Variants in RPS6KA2 observed in about 807,000 individuals in gnomAD.
RPS6KA2 encodes the protein ribosomal protein S6 kinase A2.
In RPS6KA2, 42 loss-of-function variants were observed where a neutral mutation model predicts 91.8. The ratio of observed to expected loss-of-function variants is 0.46; its 90% CI spans 0.36 to 0.59. The LOEUF (loss-of-function observed/expected upper bound fraction) is 0.59. Among genes scored for constraint, RPS6KA2 ranks in the 20% least tolerant of loss-of-function variants. RPS6KA2 has a pLI of 0.00. For missense variants in RPS6KA2, 798 were observed against 978.5 expected (o/e 0.82, Z 2.46); for synonymous variants, 414 against 393.6 (o/e 1.05, Z -0.61).
intron 2 of RPS6KA2, among the ~76,000 whole-genome samples, chr6:166,794,681 A>C (rs1441011268): frequency 3.3e-5 from 5 of 151,582 alleles, no homozygotes; most frequent in Non-Finnish European, 4.4e-5. Flanking sequence ...AGCCATAAAA[A>C]ATGATGAGTT....
At chr6:166,622,464 A>G (rs1786678653) in intron 1 of RPS6KA2, among the ~76,000 whole-genome samples, 1 of 152,326 alleles carries the variant, frequency 6.6e-6, no homozygotes, top group South Asian at 2.1e-4. Flanking sequence ...TAAGATAAAC[A>G]TAATTTCTTT....
rs1407812789 is a variant in RPS6KA2 at position 166,448,237 on chromosome 6, C to T, written c.1332+487G>A. ...TATTTATTTCTTTGAGTATTTTCTTCCTCCCTTTTTTCTTTCCTTCCTTTC... is the reference window on the plus strand; with the variant it reads ...TATTTATTTCTTTGAGTATTTTCTTTCTCCCTTTTTTCTTTCCTTCCTTTC... On this transcript the variant is annotated intron_variant, in intron 14 of 20. Transcript: ENST00000265678. This position sits in a 1 kb window ranked among gnomAD's most constrained non-coding sequence, Gnocchi z 4.7. Among the ~76,000 whole-genome samples the T allele has an allele frequency of 6.6e-6, 1 of 152,064 alleles. No homozygotes were observed. Among genetic ancestry groups the T allele is most frequent in the African/African-American group, 2.4e-5 (1 of 41,400 alleles).
chr6:166,754,852 T>G (rs866388477), intron 2 of RPS6KA2, among the ~76,000 whole-genome samples: 31 of 152,260 alleles, frequency 2.0e-4, no homozygotes, highest in Middle Eastern at 3.4e-3. Context: ...AGGGAAGGGC[T>G]CTGAGATGGG....
chr6:166,469,878 A>G lies in RPS6KA2; in HGVS notation c.935T>C (p.Ile312Thr). The G allele has an allele frequency of 1.2e-6, 2 of 1,614,194 alleles. No individual in the cohort carries two copies. The highest frequency in any genetic ancestry group is 1.7e-6 in the Non-Finnish European group (2 of 1,180,018). ...LGAGIDGVEE[I>T]KRHPFFVTID... Reference sequence around the variant, plus strand: ...GGTCACAAAGAAGGGATGGCGCTTAATTTCCTCCACTCCGTCAATGCCAGC... The same window carrying G: ...GGTCACAAAGAAGGGATGGCGCTTAGTTTCCTCCACTCCGTCAATGCCAGC... The change falls in exon 11 of 21, where the codon ATT becomes ACT. Residue 312 changes from isoleucine to threonine, a missense_variant. Coordinates refer to ENST00000265678, the MANE Select transcript of RPS6KA2 (RefSeq NM_021135.6).
intron 2 of RPS6KA2, among the ~76,000 whole-genome samples, chr6:166,674,380 G>A (rs1203888348): frequency 6.6e-6 from 1 of 152,132 alleles, no homozygotes; most frequent in Non-Finnish European, 1.5e-5. Context: ...TGTGGTGTCC[G>A]TTCTGATGGG....
At chr6:166,644,408 C>A (rs1213523555) in intron 2 of RPS6KA2, among the ~76,000 whole-genome samples, 2 of 152,178 alleles carry the variant, frequency 1.3e-5, no homozygotes, top group Non-Finnish European at 2.9e-5. Flanking sequence ...GACGTCACTT[C>A]TTCCAGTTAT....
In RPS6KA2 at chr6:166,495,917, C is replaced by T. The variant is rs528360917; in HGVS notation, c.747+2591G>A. Among the ~76,000 whole-genome samples, 2 of 152,314 alleles carry T rather than the reference C, an allele frequency of 1.3e-5. No individual in the cohort carries two copies. The highest frequency in any genetic ancestry group is 1.9e-4 in the East Asian group (1 of 5,186). ...CCGGGGGGAGTTTGCTGGAGCAAGGCGAGCCCGACGTGGTCTCATTTCCTC... is the reference window on the plus strand; with the variant it reads ...CCGGGGGGAGTTTGCTGGAGCAAGGTGAGCCCGACGTGGTCTCATTTCCTC... On this transcript the variant is annotated intron_variant, in intron 8 of 20. Transcript: ENST00000265678. This position sits in a 1 kb window ranked among gnomAD's most constrained non-coding sequence, Gnocchi z 4.4.
chr6:166,555,689 C>T (rs775177425), intron 1 of RPS6KA2, among the ~76,000 whole-genome samples: 15 of 152,104 alleles, frequency 9.9e-5, no homozygotes, highest in Admixed American at 2.0e-4. Flanking sequence ...GAACCTATTA[C>T]GCTTACATTT....
rs184215323 is a variant in RPS6KA2 at position 166,706,156 on chromosome 6, T to C, written c.123+152044A>G. Among the ~76,000 whole-genome samples the C allele has an allele frequency of 7.2e-5, 11 of 152,310 alleles. No individual in the cohort carries two copies. In the East Asian group the frequency reaches 2.1e-3, roughly 29 times the overall value. ...CCGTTTATCGTTTTTCATTACAGCA[T>C]CCCAAATGGACTAACACACCTGCAA... On this transcript the variant is annotated intron_variant, in intron 2 of 21. Transcript: ENST00000503859.
chr6:166,619,350 A>G (rs114238450), intron 1 of RPS6KA2, among the ~76,000 whole-genome samples: 265 of 152,368 alleles, frequency 1.7e-3, no homozygotes, highest in African/African-American at 6.2e-3. Context: ...AAGGTGTTCT[A>G]AAAATAAATG....
intron 2 of RPS6KA2, among the ~76,000 whole-genome samples, chr6:166,722,447 G>A (rs1004278500): frequency 1.3e-5 from 2 of 152,202 alleles, no homozygotes; most frequent in East Asian, 1.9e-4. Flanking sequence ...TCCCTCTTTC[G>A]GTTGTGAGGA....
chr6:166,559,606 A>G (rs1343688627), intron 1 of RPS6KA2, among the ~76,000 whole-genome samples: 1 of 152,174 alleles, frequency 6.6e-6, no homozygotes, highest in African/African-American at 2.4e-5. Flanking sequence ...ATGAGTAAAA[A>G]CGATAAGCAG....
Position 166,429,372 on chromosome 6 carries a change from G to A in RPS6KA2, c.1581+1081C>T, listed in dbSNP as rs113436763. ...TTAATGGGTGCAGCACACCAGCATG[G>A]CACATGTATACATATGTAACTAACC... On this transcript the variant is annotated intron_variant, in intron 16 of 20. Transcript: ENST00000265678. 9.0e-3 allele frequency among the ~76,000 whole-genome samples: 1,358 copies of A among 151,696 alleles called. 15 individuals are homozygous for A. The highest frequency in any genetic ancestry group is 0.029 in the African/African-American group (1,198 of 41,314).
rs528142823 is a variant in RPS6KA2 at position 166,702,189 on chromosome 6, C to T, written c.123+156011G>A. On this transcript the variant is annotated intron_variant, in intron 2 of 21. Transcript: ENST00000503859. ...GTGATGTTCCGAATGGTGGCACCTT[C>T]TTTTCCTATAATGGCTCCAACAAAT... 34 of 1,605,800 alleles carry T rather than the reference C, an allele frequency of 2.1e-5. No homozygotes were observed. The African/African-American group carries it at 4.1e-4, about 20-fold the overall frequency.
intron 3 of RPS6KA2, among the ~76,000 whole-genome samples, chr6:166,518,655 A>AT (rs1782744419): frequency 6.6e-6 from 1 of 152,184 alleles, no homozygotes; most frequent in African/African-American, 2.4e-5. Flanking sequence ...TAACACAAGT[A>AT]TATGTTGAGT....
At position 166,500,386 on chromosome 6, in the gene RPS6KA2, G is replaced by A. The variant is rs1781982174; in HGVS notation, c.604+501C>T. On this transcript the variant is annotated intron_variant, in intron 7 of 20. Transcript: ENST00000265678. The surrounding 1 kb of genome is among the most constrained non-coding windows in gnomAD (Gnocchi z 4.3). ...TGCTGGTGGCTGCCAGGGCTCAGAT[G>A]GAAACAGGGAGGGAAGTCACGTGGC... Among the ~76,000 whole-genome samples, 1 of 152,224 alleles carries A rather than the reference G, an allele frequency of 6.6e-6. No homozygotes were observed. Among genetic ancestry groups the A allele is most frequent in the Admixed American group, 6.5e-5 (1 of 15,286 alleles).
intron 1 of RPS6KA2, among the ~76,000 whole-genome samples, chr6:166,858,615 G>A (rs187589560): frequency 1.2e-3 from 185 of 152,316 alleles, no homozygotes; most frequent in Admixed American, 4.4e-3. Flanking sequence ...GCTAAAATAC[G>A]AACGGAGCTG....
rs567161437 is a variant in RPS6KA2, at chr6:166,468,856, T to TCCGTCTCAAAAAA, written c.972+984_972+985insTTTTTTGAGACGG. 1.5e-3 allele frequency among the ~76,000 whole-genome samples: 167 copies of TCCGTCTCAAAAAA among 112,170 alleles called. 2 individuals are homozygous for TCCGTCTCAAAAAA. Among genetic ancestry groups the TCCGTCTCAAAAAA allele is most frequent in the Non-Finnish European group, 2.4e-3 (137 of 56,116 alleles). The allele number at this position is 112,170 out of a possible 152,430, so 73.6% of individuals were successfully genotyped here. Reference sequence around the variant, plus strand: ...TCCAGCCTGGGCGACAGAGCGAGACTAAAAAAAAAAAAAAAAAGAAGACAG... The same window carrying TCCGTCTCAAAAAA: ...TCCAGCCTGGGCGACAGAGCGAGACTCCGTCTCAAAAAAAAAAAAAAAAAAAAAAAGAAGACAG... On this transcript the variant is annotated intron_variant, in intron 11 of 20. Transcript: ENST00000265678.
chr6:166,412,775 G>A lies in RPS6KA2; in HGVS notation c.2189C>T (p.Ser730Phe). 1 of 1,598,856 alleles carries A rather than the reference G, an allele frequency of 6.3e-7. No individual in the cohort carries two copies. The highest frequency in any genetic ancestry group is 8.5e-7 in the Non-Finnish European group (1 of 1,174,506). ...AQRRGMKRLT[S>F]TRL Reference sequence around the variant, plus strand: ...GGGTCCCACCCGCTACAGCCGCGTGGACGTGAGTCTCTTCATGCCTCTGCG... The same window carrying A: ...GGGTCCCACCCGCTACAGCCGCGTGAACGTGAGTCTCTTCATGCCTCTGCG... Residue 730 changes from serine to phenylalanine, a missense_variant, in exon 21 of 21, where the codon TCC becomes TTC. By Grantham distance (155) the Ser-to-Phe change is radical. Transcript: ENST00000265678. The surrounding 1 kb of genome is among the most constrained non-coding windows in gnomAD (Gnocchi z 4.3).
Sources: gnomAD v4.1 joint callset for allele counts (sites outside exome capture counted in the v4.1 genomes callset) on GRCh38, gnomAD v4.1.1 for gene constraint, Gnocchi (gnomAD v3.1) non-coding constraint, MANE v1.5 for transcripts, NCBI Gene and HGNC (gene_info 2026-07-23, HGNC 2026-07-21) for gene names.